RABGAP1L: variants seen among roughly 807,000 people sequenced by gnomAD.
The protein encoded by RABGAP1L is rab GTPase-activating protein 1-like.
Under a neutral mutation model 137.7 loss-of-function variants are expected in RABGAP1L, and 63 were observed. That is an observed-to-expected ratio of 0.46 (90% confidence interval 0.37 to 0.56). The LOEUF (loss-of-function observed/expected upper bound fraction) is 0.56, where lower values mean the gene tolerates loss of function less well. RABGAP1L is among the 20% of genes least tolerant of loss of function. The probability of loss-of-function intolerance (pLI) is 0.00; values close to 1 mark genes in which losing one functional copy is unlikely to be tolerated. For missense variants in RABGAP1L, 1,095 were observed against 1,244.0 expected (o/e 0.88, Z 1.80); for synonymous variants, 431 against 433.7 (o/e 0.99, Z 0.08).
intron 13 of RABGAP1L, among the ~76,000 whole-genome samples, chr1:174,475,858 G>A (rs1385610390): frequency 6.8e-6 from 1 of 147,624 alleles, no homozygotes; most frequent in Non-Finnish European, 1.5e-5. Flanking sequence ...GTAATTGAAA[G>A]TATAAACCTA....
intron 3 of RABGAP1L, among the ~76,000 whole-genome samples, chr1:174,222,761 TGAA>T (rs1669858049): frequency 6.6e-6 from 1 of 152,026 alleles, no homozygotes; most frequent in Non-Finnish European, 1.5e-5. Context: ...GAAAAAGAAA[TGAA>T]GTGTGATTAG....
chr1:174,296,059 A>G (rs1677100965), intron 10 of RABGAP1L, among the ~76,000 whole-genome samples: 1 of 152,190 alleles, frequency 6.6e-6, no homozygotes, highest in South Asian at 2.1e-4. Flanking sequence ...CCAAATAAAT[A>G]TAGAAGGATA....
chr1:174,976,920 G>A (rs61828152), intron 22 of RABGAP1L, among the ~76,000 whole-genome samples: 16,327 of 152,224 alleles, frequency 0.11, 958 homozygotes, highest in East Asian at 0.23. Flanking sequence ...CCCAGCCAGG[G>A]GCCTGACACA....
intron 11 of RABGAP1L, among the ~76,000 whole-genome samples, chr1:174,318,238 C>G (rs1168198837): frequency 1.3e-5 from 2 of 152,122 alleles, no homozygotes; most frequent in African/African-American, 4.8e-5. Context: ...ACCTACCTCT[C>G]CCCTTGTCTC....
chr1:174,478,645 AT>A (rs1279535758), intron 13 of RABGAP1L, among the ~76,000 whole-genome samples: 2 of 152,172 alleles, frequency 1.3e-5, no homozygotes, highest in East Asian at 3.8e-4. Flanking sequence ...CCTCAAATGC[AT>A]TCATACATGG....
At chr1:174,988,577 G>A in intron 24 of RABGAP1L, 64 bp from the exon 25 acceptor site, 1 of 1,321,866 alleles carries the variant, frequency 7.6e-7, no homozygotes, top group Non-Finnish European at 9.9e-7. Flanking sequence ...GTCATAAATT[G>A]TTTCAGAAGG....
chr1:174,969,778 A>G (rs1383726332), intron 21 of RABGAP1L, among the ~76,000 whole-genome samples: 1 of 152,200 alleles, frequency 6.6e-6, no homozygotes, highest in Admixed American at 6.5e-5. Context: ...GAACTTTTAC[A>G]TGAAGTACCT....
intron 19 of RABGAP1L, among the ~76,000 whole-genome samples, chr1:174,904,307 G>T (rs1319545264): frequency 6.6e-6 from 1 of 152,060 alleles, no homozygotes; most frequent in Non-Finnish European, 1.5e-5. Flanking sequence ...GGGGTTCAAG[G>T]TTCCAGTGAA....
chr1:174,647,080 G>A lies in RABGAP1L; in HGVS notation c.1824+9592G>A, dbSNP rs140183138. On this transcript the variant is annotated intron_variant, in intron 14 of 25. Coordinates refer to ENST00000681986, the MANE Select transcript of RABGAP1L (RefSeq NM_001366446.1). ...TTTGTATCCTGAGACTTTGCTGAAG[G>A]TGCTTAGCAGCTTAAGGAGACTTTG... is the stretch of plus-strand genomic sequence containing the variant. Among the ~76,000 whole-genome samples, 37 of 152,176 alleles carry A rather than the reference G, an allele frequency of 2.4e-4. No individual in the cohort carries two copies. In the East Asian group the frequency reaches 6.2e-3, roughly 25 times the overall value.
intron 13 of RABGAP1L, among the ~76,000 whole-genome samples, chr1:174,437,669 C>A (rs899725979): frequency 3.9e-5 from 6 of 152,218 alleles, no homozygotes; most frequent in Admixed American, 2.6e-4. Flanking sequence ...AGGAGAACTT[C>A]CCCAATCTAG....
chr1:174,943,019 T>C (rs1334293614), intron 19 of RABGAP1L, among the ~76,000 whole-genome samples: 3 of 152,182 alleles, frequency 2.0e-5, no homozygotes, highest in Admixed American at 6.5e-5. Flanking sequence ...TGCTAACTAT[T>C]TGGGGAAACT....
chr1:174,161,236 A>G (rs763780011), intron 1 of RABGAP1L, among the ~76,000 whole-genome samples: 2 of 149,252 alleles, frequency 1.3e-5, no homozygotes. Flanking sequence ...TATTATTATT[A>G]TTATTATTAT....
intron 19 of RABGAP1L, among the ~76,000 whole-genome samples, chr1:174,841,293 T>C (rs1265421291): frequency 6.6e-6 from 1 of 152,138 alleles, no homozygotes; most frequent in East Asian, 1.9e-4. Context: ...TGTGATCTCA[T>C]TGCAATAAAA....
chr1:174,607,709 A>G (rs1348517680), intron 13 of RABGAP1L, among the ~76,000 whole-genome samples: 2 of 152,244 alleles, frequency 1.3e-5, no homozygotes, highest in Non-Finnish European at 2.9e-5. Context: ...TTTTCAGGAA[A>G]TACTAACTTG....
chr1:174,642,638 TCTCTC>T (rs888360253), intron 14 of RABGAP1L, among the ~76,000 whole-genome samples: 5 of 151,746 alleles, frequency 3.3e-5, no homozygotes, highest in Non-Finnish European at 5.9e-5. Flanking sequence ...ATTATAGTCC[TCTCTC>T]CTCTCCTCTC....
chr1:174,909,958 T>C (rs1659787516), intron 19 of RABGAP1L, among the ~76,000 whole-genome samples: 3 of 152,110 alleles, frequency 2.0e-5, no homozygotes, highest in Admixed American at 6.5e-5. Context: ...GCTAACACGG[T>C]GAAACCCCGT....
intron 13 of RABGAP1L, among the ~76,000 whole-genome samples, chr1:174,616,927 C>G (rs778033112): frequency 6.6e-6 from 1 of 152,126 alleles, no homozygotes. Context: ...ATGACACCTA[C>G]TTTAATAAAG....
chr1:174,853,763 G>C (rs1648790854), intron 19 of RABGAP1L, among the ~76,000 whole-genome samples: 1 of 152,064 alleles, frequency 6.6e-6, no homozygotes, highest in South Asian at 2.1e-4. Context: ...AAAAAGGCTA[G>C]CTTTGTTCCA....
intron 14 of RABGAP1L, among the ~76,000 whole-genome samples, chr1:174,652,768 C>T (rs1186880721): frequency 6.6e-6 from 1 of 152,158 alleles, no homozygotes; most frequent in African/African-American, 2.4e-5. Flanking sequence ...TCAGGAGGCA[C>T]AGGGGTCTGG....
Sources: gnomAD v4.1 joint callset for allele counts (sites outside exome capture counted in the v4.1 genomes callset) on GRCh38, gnomAD v4.1.1 for gene constraint, MANE v1.5 for transcripts, NCBI Gene and HGNC (gene_info 2026-07-23, HGNC 2026-07-21) for gene names.